The following RASGRF2 variants were observed in gnomAD, a reference collection of about 807,000 sequenced individuals.
The protein encoded by RASGRF2 is ras-specific guanine nucleotide-releasing factor 2.
In RASGRF2, 76 loss-of-function variants were observed where a neutral mutation model predicts 151.0. The ratio of observed to expected loss-of-function variants is 0.50; its 90% CI spans 0.42 to 0.61. The LOEUF (loss-of-function observed/expected upper bound fraction) is 0.61. Ranked by LOEUF, RASGRF2 falls within the 20% of genes least tolerant of loss-of-function variation. RASGRF2 has a pLI of 0.00. For synonymous variants in RASGRF2, 504 were observed against 566.5 expected (o/e 0.89, Z 1.57); for missense variants, 1,148 against 1,564.6 (o/e 0.73, Z 4.49).
rs564712054 is a variant in RASGRF2 at position 80,988,087 on chromosome 5, C to G, written c.288+27061C>G. On this transcript the variant is annotated intron_variant, in intron 1 of 26. Transcript: ENST00000265080. ...CTTCTTTAAGACAGAGTCTTGCTGT[C>G]ACACCCAGGCTGGAGTGCAGTGGCA... is the stretch of plus-strand genomic sequence containing the variant. Among the ~76,000 whole-genome samples the G allele has an allele frequency of 4.0e-5, 6 of 151,538 alleles. No homozygotes were observed. The South Asian group carries it at 1.3e-3, about 32-fold the overall frequency.
At chr5:81,127,001 A>C in intron 16 of RASGRF2, 73 bp from the exon 17 acceptor site, 1 of 1,525,354 alleles carries the variant, frequency 6.6e-7, no homozygotes, top group South Asian at 1.1e-5. Context: ...GCAGGAAGAA[A>C]AATGATGATT....
intron 17 of RASGRF2, among the ~76,000 whole-genome samples, chr5:81,151,328 C>G (rs1253821367): frequency 6.6e-6 from 1 of 151,610 alleles, no homozygotes; most frequent in Non-Finnish European, 1.5e-5. Flanking sequence ...TGTCTGGGCT[C>G]CATTCAGGAT....
At chr5:81,169,917 C>T (rs1200602426) in intron 17 of RASGRF2, among the ~76,000 whole-genome samples, 1 of 26,160 alleles carries the variant, frequency 3.8e-5, no homozygotes, top group African/African-American at 1.7e-4. Context: ...CCACCTGCGT[C>T]ACCTGCATCA....
At chr5:81,188,354 AG>A (rs1456603865) in intron 18 of RASGRF2, among the ~76,000 whole-genome samples, 1 of 152,182 alleles carries the variant, frequency 6.6e-6, no homozygotes, top group Non-Finnish European at 1.5e-5. Context: ...AGACTTTAAA[AG>A]CCCCTTTCCC....
chr5:81,131,630 C>G (rs1203045246), intron 17 of RASGRF2, among the ~76,000 whole-genome samples: 1 of 150,998 alleles, frequency 6.6e-6, no homozygotes, highest in Non-Finnish European at 1.5e-5. Flanking sequence ...GCTAGGATTA[C>G]AGGTGTGAGC....
chr5:80,971,767 G>A (rs1319123358), intron 1 of RASGRF2, among the ~76,000 whole-genome samples: 1 of 151,472 alleles, frequency 6.6e-6, no homozygotes, highest in Non-Finnish European at 1.5e-5. Flanking sequence ...ACAGGCTTTC[G>A]CCATATTGCC....
chr5:81,208,533 ACTTTTTTTTTTTT>A (rs1755561242), intron 22 of RASGRF2, 95 bp downstream of exon 22: 4 of 282,016 alleles, frequency 1.4e-5, no homozygotes, highest in South Asian at 9.7e-5. Context: ...TCTGTCACCC[ACTTTTTTTTTTTT>A]TTTTTTTTTT....
chr5:81,155,740 T>A (rs917592430), intron 17 of RASGRF2, among the ~76,000 whole-genome samples: 2 of 152,070 alleles, frequency 1.3e-5, no homozygotes, highest in Admixed American at 1.3e-4. Flanking sequence ...TATTAGGAGA[T>A]CTTACAAACA....
rs1309386011 is a variant in RASGRF2 at position 81,113,913 on chromosome 5, T to A, written c.2463T>A (p.Ile821=). 1.9e-6 allele frequency: 3 copies of A among 1,610,856 alleles called. No individual in the cohort carries two copies. Among genetic ancestry groups the A allele is most frequent in the South Asian group, 1.1e-5 (1 of 90,516 alleles). ...VDLCNKLKRS[I]QKAVLESAPA... ...TGTGTAACAAGCTAAAACGAAGTAT[T>A]CAAAAAGGTATTATCTAGCACATTT... is the stretch of plus-strand genomic sequence containing the variant. Residue 821 remains isoleucine (I), a synonymous_variant, in exon 15 of 27, where the codon ATT becomes ATA. Transcript: ENST00000265080.
chr5:80,977,654 G>A (rs1366239788), intron 1 of RASGRF2, among the ~76,000 whole-genome samples: 2 of 152,038 alleles, frequency 1.3e-5, no homozygotes, highest in African/African-American at 2.4e-5. Context: ...ATGGGGTTTC[G>A]CCGTGTTGGT....
At chr5:81,080,326 C>T (rs559132843) in intron 6 of RASGRF2, 126 bp downstream of exon 6, 27 of 1,477,444 alleles carry the variant, frequency 1.8e-5, no homozygotes, top group Middle Eastern at 1.8e-4. Flanking sequence ...TTCTGTATCC[C>T]GGGACCCTGT....
chr5:81,213,662 G>A (rs949680356), intron 23 of RASGRF2, among the ~76,000 whole-genome samples: 3 of 151,946 alleles, frequency 2.0e-5, no homozygotes, highest in African/African-American at 7.3e-5. Context: ...TTTCCCTTTA[G>A]CATAGGAGAA....
chr5:81,123,343 T>G (rs1044508899), intron 15 of RASGRF2, among the ~76,000 whole-genome samples: 1 of 152,016 alleles, frequency 6.6e-6, no homozygotes, highest in African/African-American at 2.4e-5. Flanking sequence ...GCAAAAACAT[T>G]TGGAAGGGCA....
rs933642654 is a variant in RASGRF2 at position 81,113,712 on chromosome 5, G to C, written c.2262G>C (p.Lys754Asn). ...CTTTGACTTCTCCCTTGAACTCAAAGATAGGAGCATTGGACCTGACAACTT... is the reference window on the plus strand; with the variant it reads ...CTTTGACTTCTCCCTTGAACTCAAACATAGGAGCATTGGACCTGACAACTT... ...KLSLTSPLNS[K>N]IGALDLTTSS... Residue 754 changes from lysine to asparagine, a missense_variant, in exon 15 of 27, where the codon AAG (lysine) becomes AAC (asparagine). Lys to Asn is a moderately conservative substitution (Grantham distance 94). Transcript: ENST00000265080. 6 of 1,613,738 alleles carry C rather than the reference G, an allele frequency of 3.7e-6. No individual in the cohort carries two copies. The highest frequency in any genetic ancestry group is 4.2e-6 in the Non-Finnish European group (5 of 1,179,748).
intron 1 of RASGRF2, among the ~76,000 whole-genome samples, chr5:80,990,752 G>T (rs1270821544): frequency 6.6e-6 from 1 of 152,168 alleles, no homozygotes; most frequent in African/African-American, 2.4e-5. Context: ...AACTCCAGTG[G>T]GAATTCCTTG....
intron 1 of RASGRF2, among the ~76,000 whole-genome samples, chr5:80,983,945 G>A (rs1748394320): frequency 1.3e-5 from 2 of 152,162 alleles, no homozygotes; most frequent in Non-Finnish European, 2.9e-5. Flanking sequence ...CATTTGTGGT[G>A]CGTATTATAT....
At chr5:81,102,032 A>AACATATAAAATC (rs1191984019) in intron 12 of RASGRF2, among the ~76,000 whole-genome samples, 13 of 152,238 alleles carry the variant, frequency 8.5e-5, no homozygotes, top group Admixed American at 7.2e-4. Flanking sequence ...AGAAATGTTT[A>AACATATAAAATC]ACATATAAAA....
chr5:81,034,812 G>GC (rs916587312), intron 1 of RASGRF2, among the ~76,000 whole-genome samples: 6 of 131,114 alleles, frequency 4.6e-5, no homozygotes, highest in Non-Finnish European at 6.5e-5. Context: ...GGTGGGAGGG[G>GC]GGTAGGGATA....
At chr5:80,982,132 G>A (rs1748321096) in intron 1 of RASGRF2, among the ~76,000 whole-genome samples, 1 of 152,188 alleles carries the variant, frequency 6.6e-6, no homozygotes, top group Non-Finnish European at 1.5e-5. Flanking sequence ...GCTCTTAGGA[G>A]CCTTTGTCAG....
Sources: gnomAD v4.1 joint callset for allele counts (sites outside exome capture counted in the v4.1 genomes callset) on GRCh38, gnomAD v4.1.1 for gene constraint, MANE v1.5 for transcripts, NCBI Gene and HGNC (gene_info 2026-07-23, HGNC 2026-07-21) for gene names.